The following NR6A1 variants were observed in gnomAD, a reference collection of about 807,000 sequenced individuals.
The protein encoded by NR6A1 is retinoic acid receptor-related testis-associated receptor.
In NR6A1, 7 loss-of-function variants were observed where a neutral mutation model predicts 59.1. That is an observed-to-expected ratio of 0.12 (90% confidence interval 0.07 to 0.22). NR6A1 has a LOEUF of 0.22. Ranked by LOEUF, NR6A1 falls within the 10% of genes least tolerant of loss-of-function variation. NR6A1 has a pLI of 1.00. For missense variants in NR6A1, 468 were observed against 611.6 expected, an observed-to-expected ratio of 0.77 and a Z score of 2.48; for synonymous variants, 243 against 236.1, an observed-to-expected ratio of 1.03 and a Z score of -0.27.
At chr9:124,769,730 T>C (rs1230663434) in intron 1 of NR6A1, among the ~76,000 whole-genome samples, 1 of 151,960 alleles carries the variant, frequency 6.6e-6, no homozygotes, top group East Asian at 1.9e-4. Flanking sequence ...TGAGGAGATG[T>C]GAAAGGTGGA....
intron 1 of NR6A1, among the ~76,000 whole-genome samples, chr9:124,768,738 G>A (rs1197759013): frequency 6.6e-6 from 1 of 152,190 alleles, no homozygotes; most frequent in East Asian, 1.9e-4. Flanking sequence ...AATTACCATT[G>A]AGTTCTTTAA....
chr9:124,676,727 A>T (rs898935419), intron 2 of NR6A1, among the ~76,000 whole-genome samples: 3 of 152,208 alleles, frequency 2.0e-5, no homozygotes, highest in Non-Finnish European at 2.9e-5. Flanking sequence ...ATATTCTGAC[A>T]TTGGAAGTTT....
intron 1 of NR6A1, among the ~76,000 whole-genome samples, chr9:124,751,052 A>C (rs1302958353): frequency 3.9e-5 from 2 of 51,842 alleles, no homozygotes; most frequent in East Asian, 1.1e-3. Context: ...TAGGGGGCCA[A>C]GTCACTTAAG....
intron 2 of NR6A1, among the ~76,000 whole-genome samples, chr9:124,687,295 T>A (rs10986397): frequency 0.079 from 4,068 of 51,786 alleles, 120 homozygotes; most frequent in East Asian, 0.36. Flanking sequence ...TAATTAATTA[T>A]TTATTTATTT....
At chr9:124,599,048 T>C in intron 2 of NR6A1, 3 of 734,826 alleles carry the variant, frequency 4.1e-6, no homozygotes, top group South Asian at 2.9e-5. Flanking sequence ...GGTGGTCCCC[T>C]TCTCCTTGTG....
At chr9:124,583,902 A>C (rs951400719) in intron 2 of NR6A1, among the ~76,000 whole-genome samples, 9 of 152,082 alleles carry the variant, frequency 5.9e-5, no homozygotes, top group African/African-American at 2.2e-4. Context: ...TATGCCCCGA[A>C]CACTTCATTA....
At chr9:124,658,628 A>ACTTTTTTGAT in intron 2 of NR6A1, 1 of 152,144 alleles carries the variant, frequency 6.6e-6, no homozygotes, top group African/African-American at 2.4e-5. Context: ...AGCAGCTCGA[A>ACTTTTTTGAT]CTTTTTTGAT....
intron 2 of NR6A1, among the ~76,000 whole-genome samples, chr9:124,580,606 G>C (rs961061340): frequency 6.6e-6 from 1 of 152,114 alleles, no homozygotes; most frequent in Non-Finnish European, 1.5e-5. Context: ...GATCACTTGA[G>C]GTCAGGGGTT....
At chr9:124,692,525 A>C (rs1838586538) in intron 2 of NR6A1, 2 of 530,546 alleles carry the variant, frequency 3.8e-6, no homozygotes, top group Admixed American at 3.9e-5. Context: ...AAAACCACTG[A>C]CCGTTGACTG....
chr9:124,530,298 G>T (rs966948757), intron 7 of NR6A1, among the ~76,000 whole-genome samples: 1 of 152,040 alleles, frequency 6.6e-6, no homozygotes, highest in Non-Finnish European at 1.5e-5. Context: ...CAGCCTAGCA[G>T]CCCCCACTCA....
At chr9:124,540,795 T>A (rs1420524396) in intron 4 of NR6A1, among the ~76,000 whole-genome samples, 1 of 152,118 alleles carries the variant, frequency 6.6e-6, no homozygotes, top group Non-Finnish European at 1.5e-5. Flanking sequence ...AGCAAGACCC[T>A]GTCTTAAAAG....
At position 124,522,397 on chromosome 9, in the gene NR6A1, A is replaced by G. The variant is rs1432441452; in HGVS notation, c.*308T>C. The G allele has an allele frequency of 1.0e-5, 2 of 197,478 alleles. No homozygotes were observed. Among genetic ancestry groups the G allele is most frequent in the African/African-American group, 4.6e-5 (2 of 43,326 alleles). 12.2% of individuals were successfully genotyped at this position (197,478 alleles called of 1,614,324 possible). On this transcript the variant is annotated 3_prime_UTR_variant, in exon 10 of 10. Transcript: ENST00000487099. ...CTCAAAATACAAAAGAACTATTTCT[A>G]AACAATGACAACACTGTAACATTAA...
rs569258930 is a variant in NR6A1 at position 124,691,648 on chromosome 9, T to A, written c.142+41660A>T. ...CATCTGACATTTTAGTTACACTCTG[T>A]GTTCTCAACTAAGAAGAAATGCAAG... On this transcript the variant is annotated intron_variant, in intron 2 of 9. Transcript: ENST00000487099. Among the ~76,000 whole-genome samples, 4 of 152,342 alleles carry A rather than the reference T, an allele frequency of 2.6e-5. No homozygotes were observed. The East Asian group carries it at 5.8e-4, about 22-fold the overall frequency.
intron 1 of NR6A1, among the ~76,000 whole-genome samples, chr9:124,745,423 G>C (rs561417795): frequency 6.6e-6 from 1 of 152,208 alleles, no homozygotes; most frequent in Non-Finnish European, 1.5e-5. Context: ...TGTAATCCCA[G>C]CACTTTGGGA....
At chr9:124,711,199 A>T (rs1371738440) in intron 2 of NR6A1, among the ~76,000 whole-genome samples, 2 of 148,844 alleles carry the variant, frequency 1.3e-5, no homozygotes, top group Non-Finnish European at 3.0e-5. Flanking sequence ...AAAAAAAAAA[A>T]AAAAAAAAAA....
At chr9:124,630,051 T>C (rs1836378674) in intron 2 of NR6A1, among the ~76,000 whole-genome samples, 1 of 152,136 alleles carries the variant, frequency 6.6e-6, no homozygotes, top group African/African-American at 2.4e-5. Flanking sequence ...AGAGAGAAAG[T>C]AATAAAACCT....
rs543049328 is a variant in NR6A1 at position 124,690,024 on chromosome 9, C to G, written c.142+43284G>C. On this transcript the variant is annotated intron_variant, in intron 2 of 9. Coordinates refer to ENST00000487099, the MANE Select transcript of NR6A1 (RefSeq NM_033334.4). ...AAAAGGATGAATCAGAAAACTAGCA[C>G]AGTTTGGCAAAAAGAAACATGAATT... Among the ~76,000 whole-genome samples the G allele has an allele frequency of 1.1e-3, 174 of 152,296 alleles. 1 individual carries two copies. The highest frequency in any genetic ancestry group is 3.8e-3 in the African/African-American group (158 of 41,556).
At chr9:124,701,716 C>T (rs1838956626) in intron 2 of NR6A1, among the ~76,000 whole-genome samples, 1 of 152,090 alleles carries the variant, frequency 6.6e-6, no homozygotes, top group South Asian at 2.1e-4. Flanking sequence ...AGATGCAACT[C>T]CTTTATCAGA....
intron 2 of NR6A1, among the ~76,000 whole-genome samples, chr9:124,635,155 G>A (rs1231580936): frequency 1.3e-5 from 2 of 152,072 alleles, no homozygotes; most frequent in East Asian, 3.9e-4. Flanking sequence ...TCTGTGCTCT[G>A]ACTATCCTGT....
Sources: allele counts gnomAD v4.1 joint callset (sites outside exome capture counted in the v4.1 genomes callset), GRCh38; gene constraint gnomAD v4.1.1; transcripts MANE v1.5; gene names NCBI Gene and HGNC (gene_info 2026-07-23, HGNC 2026-07-21).